SPEG: variants seen among roughly 807,000 people sequenced by gnomAD.
SPEG encodes the protein striated muscle preferentially expressed protein kinase.
Under a neutral mutation model 300.4 loss-of-function variants are expected in SPEG, and 114 were observed. That is an observed-to-expected ratio of 0.38 (90% confidence interval 0.33 to 0.44). SPEG has a LOEUF of 0.44. Among genes scored for constraint, SPEG ranks in the 20% least tolerant of loss-of-function variants. The pLI is 1.00. For missense variants in SPEG, 4,201 were observed against 4,586.2 expected (o/e 0.92, Z 2.43); for synonymous variants, 1,964 against 2,018.9 (o/e 0.97, Z 0.73).
At chr2:219,482,547 A>G (rs1481805424) in intron 28 of SPEG, 9 of 522,782 alleles carry the variant, frequency 1.7e-5, no homozygotes, top group Non-Finnish European at 3.1e-5. Context: ...TAGGGGAGCC[A>G]CCAGTTTCCT....
chr2:219,452,445 G>T (rs567489171), intron 6 of SPEG, among the ~76,000 whole-genome samples: 151 of 152,262 alleles, frequency 9.9e-4, no homozygotes, highest in Admixed American at 2.0e-3. Context: ...GATCAGTGTC[G>T]GTGTACATGG....
rs753502676 is a variant in SPEG, at chr2:219,481,299, T to C, written c.5370-5T>C. ...CCCTCATGACAGCCCTCTTCACCCC[T>C]GCAGTCTGACAGGAATCTCCCCGTT... On this transcript the variant is annotated splice_region_variant and splice_polypyrimidine_tract_variant and intron_variant, in intron 26 of 40. Transcript: ENST00000312358. The surrounding 1 kb of genome is among the most constrained non-coding windows in gnomAD (Gnocchi z 5.4). The C allele has an allele frequency of 1.9e-6, 3 of 1,612,726 alleles. No individual in the cohort carries two copies. In the South Asian group the frequency reaches 3.3e-5, roughly 18 times the overall value.
Position 219,460,119 on chromosome 2 carries a change from G to A in SPEG, c.2441-1763G>A, listed in dbSNP as rs1375592386. Reference sequence around the variant, plus strand: ...CGGGGCTAAGGTGGGTGGCGGGCAAGTTGCCAACAGGTGCCCTGGCGGTTT... The same window carrying A: ...CGGGGCTAAGGTGGGTGGCGGGCAAATTGCCAACAGGTGCCCTGGCGGTTT... On this transcript the variant is annotated intron_variant, in intron 6 of 40. Coordinates refer to ENST00000312358, the MANE Select transcript of SPEG (RefSeq NM_005876.5). Among the ~76,000 whole-genome samples the A allele has an allele frequency of 2.0e-5, 3 of 152,240 alleles. No individual in the cohort carries two copies. The East Asian group carries it at 5.8e-4, about 29-fold the overall frequency.
chr2:219,467,097 G>A, intron 9 of SPEG, 77 bp from the exon 10 acceptor site: 1 of 1,456,770 alleles, frequency 6.9e-7, no homozygotes, highest in Non-Finnish European at 9.2e-7. Flanking sequence ...CTGTCTCTCT[G>A]TGCGTGCGTA....
intron 15 of SPEG, 151 bp downstream of exon 15, chr2:219,472,482 TC>T: frequency 1.5e-6 from 1 of 667,882 alleles, no homozygotes; most frequent in Non-Finnish European, 2.6e-6. Context: ...CCGTCTTCTC[TC>T]CACGTTGCAT....
Position 219,484,916 on chromosome 2 carries a change from A to G in SPEG, c.7453A>G (p.Thr2485Ala). 1 of 1,526,728 alleles carries G rather than the reference A, an allele frequency of 6.5e-7. No individual in the cohort carries two copies. Among genetic ancestry groups the G allele is most frequent in the Non-Finnish European group, 8.7e-7 (1 of 1,144,034 alleles). The allele number at this position is 1,526,728 out of a possible 1,614,324, so 94.6% of individuals were successfully genotyped here. A position where few individuals can be genotyped will look rare whatever the true frequency, so the allele number is the denominator to read the frequency against. Reference protein sequence around the residue: ...EDSGGASGRSTPLFGRLRRAT... With the variant: ...EDSGGASGRSAPLFGRLRRAT... ...CTCGGGGGGCGCGTCGGGCCGCAGC[A>G]CGCCGCTGTTCGGACGGCTTCGCAG... Residue 2485 changes from threonine (T) to alanine (A), a missense_variant, in exon 30 of 41, where the codon ACG becomes GCG. Thr to Ala is a moderately conservative substitution (Grantham distance 58). Coordinates refer to ENST00000312358, the MANE Select transcript of SPEG (RefSeq NM_005876.5).
intron 6 of SPEG, chr2:219,460,351 G>A (rs745351101): frequency 8.6e-5 from 85 of 985,292 alleles, no homozygotes; most frequent in Non-Finnish European, 9.4e-5. Context: ...TTTGAGGCTC[G>A]TTAGCGCATT....
At position 219,469,056 on chromosome 2, in the gene SPEG, C is replaced by G; in HGVS notation, c.3491+8C>G. 6.2e-7 allele frequency: 1 copy of G among 1,610,062 alleles called. No homozygotes were observed. Among genetic ancestry groups the G allele is most frequent in the Non-Finnish European group, 8.5e-7 (1 of 1,177,802 alleles). On this transcript the variant is annotated splice_region_variant and intron_variant, in intron 12 of 40. Transcript: ENST00000312358. The stretch of plus-strand genomic sequence containing the variant: ...AGCCGCCTCAGGCCCCAGGTACCAC[C>G]GGGGCCCCAAATGATGCTGGGGCTG...
Position 219,484,974 on chromosome 2 carries a change from T to G in SPEG, c.7511T>G (p.Leu2504Arg), listed in dbSNP as rs1276237760. The G allele has an allele frequency of 2.2e-5, 34 of 1,530,092 alleles. No homozygotes were observed. The highest frequency in any genetic ancestry group is 2.9e-5 in the Non-Finnish European group (33 of 1,144,540). The allele number at this position is 1,530,092 out of a possible 1,614,324, so 94.8% of individuals were successfully genotyped here. The change falls in exon 30 of 41, where the codon CTT becomes CGT. Residue 2504 changes from leucine to arginine, a missense_variant. This residue lies in a region of SPEG where 1,578 missense variants were observed against 1,506.0 expected (regional missense o/e 1.05). Transcript: ENST00000312358. ...ATSEGESLRR[L>R]GLPHNQLAAQ... ...TCCGAGGGCGAGAGTCTGCGGCGCC[T>G]TGGCCTTCCGCACAACCAGTTGGCC... is the stretch of plus-strand genomic sequence containing the variant.
intron 6 of SPEG, among the ~76,000 whole-genome samples, chr2:219,455,817 G>A (rs1417936032): frequency 6.6e-6 from 1 of 152,140 alleles, no homozygotes; most frequent in Non-Finnish European, 1.5e-5. Context: ...CCTGATGTGA[G>A]CACACCCAGC....
At chr2:219,465,880 CGTGTGCATGTGTGCGTATGGGT>C in intron 9 of SPEG, 1 of 628,842 alleles carries the variant, frequency 1.6e-6, no homozygotes, top group African/African-American at 1.8e-5. Flanking sequence ...TGTGTGCGTG[CGTGTGCATGTGTGCGTATGGGT>C]GTGTGCATGC....
rs774376720 is a variant in SPEG at position 219,477,375 on chromosome 2, C to T, written c.4659C>T (p.Gly1553=). ...TCAGCACGGGGGCCCAGGATGGAGGCGTCTACACCTGCACCGCCCAGAACC... is the reference window on the plus strand; with the variant it reads ...TCAGCACGGGGGCCCAGGATGGAGGTGTCTACACCTGCACCGCCCAGAACC... ...VVLSTGAQDG[G]VYTCTAQNLA... The change falls in exon 20 of 41, where the codon GGC becomes GGT. Residue 1553 remains glycine (G), a synonymous_variant. Transcript: ENST00000312358. The surrounding 1 kb of genome is among the most constrained non-coding windows in gnomAD (Gnocchi z 6.4). 14 of 1,611,988 alleles carry T rather than the reference C, an allele frequency of 8.7e-6. No individual in the cohort carries two copies. Among genetic ancestry groups the T allele is most frequent in the East Asian group, 6.7e-5 (3 of 44,828 alleles).
intron 1 of SPEG, among the ~76,000 whole-genome samples, chr2:219,437,094 G>A (rs1954739620): frequency 2.0e-5 from 3 of 152,128 alleles, no homozygotes; most frequent in African/African-American, 4.8e-5. Context: ...TGCCTAAGAC[G>A]TACTAGTCTA....
In SPEG at chr2:219,483,551, C is replaced by A. The variant is rs1282323539; in HGVS notation, c.6088C>A (p.Arg2030=). Residue 2030 remains arginine (R), a synonymous_variant, in exon 30 of 41, where the codon CGG becomes AGG. Transcript: ENST00000312358. The part of the protein sequence containing the change: ...LPRAGPRELG[R]GLHKAASVEL... The stretch of plus-strand genomic sequence containing the variant: ...CCGGGCCGGGCCGCGGGAGCTGGGC[C>A]GGGGCCTGCACAAGGCGGCGTCTGT... The A allele has an allele frequency of 7.7e-6, 11 of 1,421,626 alleles. No homozygotes were observed. The East Asian group carries it at 3.1e-4, about 40-fold the overall frequency. 88.1% of individuals were successfully genotyped at this position (1,421,626 alleles called of 1,614,324 possible).
chr2:219,441,399 TCA>T, intron 1 of SPEG: 1 of 410,994 alleles, frequency 2.4e-6, no homozygotes. Context: ...CTTAGGGTTT[TCA>T]CAGTCTGAGT....
chr2:219,477,232 G>A lies in SPEG; in HGVS notation c.4561-45G>A, dbSNP rs77584193. 9.2e-6 allele frequency: 6 copies of A among 651,822 alleles called. No homozygotes were observed. Among genetic ancestry groups the A allele is most frequent in the Middle Eastern group, 4.0e-4 (1 of 2,512 alleles). The allele number at this position is 651,822 out of a possible 1,614,324, so 40.4% of individuals were successfully genotyped here. A position where few individuals can be genotyped will look rare whatever the true frequency, so the allele number is the denominator to read the frequency against. On this transcript the variant is annotated intron_variant, in intron 19 of 40. Transcript: ENST00000312358. The surrounding 1 kb of genome is among the most constrained non-coding windows in gnomAD (Gnocchi z 6.4). Reference sequence around the variant, plus strand: ...GAGATGAGGCCCTGGCCCCAAGGTAGAGATGAGGCCAGGCCCAGGCTGAAG... The same window carrying A: ...GAGATGAGGCCCTGGCCCCAAGGTAAAGATGAGGCCAGGCCCAGGCTGAAG...
rs1006923819 is a variant in SPEG at position 219,445,957 on chromosome 2, T to C, written c.815+796T>C. On this transcript the variant is annotated intron_variant, in intron 3 of 40. Coordinates refer to ENST00000312358, the MANE Select transcript of SPEG (RefSeq NM_005876.5). The surrounding 1 kb of genome is among the most constrained non-coding windows in gnomAD (Gnocchi z 6.1). ...TTTTTGGAGATTTGGGGCTCGCAGA[T>C]ACAGGAGGGAGTGCTATAGTGGAAG... 6.6e-6 allele frequency among the ~76,000 whole-genome samples: 1 copy of C among 151,326 alleles called. No individual in the cohort carries two copies. The highest frequency in any genetic ancestry group is 2.4e-5 in the African/African-American group (1 of 41,108).
chr2:219,490,077 G>C, intron 36 of SPEG, 138 bp downstream of exon 36: 1 of 1,029,934 alleles, frequency 9.7e-7, no homozygotes, highest in South Asian at 1.7e-5. Flanking sequence ...GAATGATTGC[G>C]TTCAAATGTG....
rs139353301 is a variant in SPEG, at chr2:219,449,981, T to A, written c.2113+710T>A. ...TCCTGCACATCAACTCGAGGCCCAC[T>A]CCTGGAGAGAGGCAGAGGAAGGCGT... On this transcript the variant is annotated intron_variant, in intron 4 of 40. Coordinates refer to ENST00000312358, the MANE Select transcript of SPEG (RefSeq NM_005876.5). Among the ~76,000 whole-genome samples the A allele has an allele frequency of 3.3e-4, 50 of 151,820 alleles. 1 individual carries two copies. In the East Asian group the frequency reaches 9.7e-3, roughly 29 times the overall value.
Sources: allele counts gnomAD v4.1 joint callset (sites outside exome capture counted in the v4.1 genomes callset), GRCh38; gene constraint gnomAD v4.1.1; regional missense constraint gnomAD v4.1.1; non-coding constraint Gnocchi (gnomAD v3.1); transcripts MANE v1.5; gene names NCBI Gene and HGNC (gene_info 2026-07-23, HGNC 2026-07-21).